Variants in HHAT observed in about 807,000 individuals in gnomAD.
HHAT encodes hedgehog acyltransferase, also known as protein-cysteine N-palmitoyltransferase HHAT.
Under a neutral mutation model 70.8 loss-of-function variants are expected in HHAT, and 47 were observed. That is an observed-to-expected ratio of 0.66 (90% CI 0.53 to 0.85). HHAT has a LOEUF of 0.85. Among genes scored for constraint, HHAT ranks in the 40% least tolerant of loss-of-function variants. The pLI is 0.00. For missense variants in HHAT, 609 were observed against 604.8 expected (o/e 1.01, Z -0.07); for synonymous variants, 228 against 247.6 (o/e 0.92, Z 0.74).
intron 7 of HHAT, among the ~76,000 whole-genome samples, chr1:210,446,614 CTG>C (rs1436033466): frequency 6.6e-6 from 1 of 152,232 alleles, no homozygotes; most frequent in Non-Finnish European, 1.5e-5. Flanking sequence ...GCCCCGGCCT[CTG>C]TGCTCCTGCA....
chr1:210,372,874 C>T (rs1336669809), intron 3 of HHAT, among the ~76,000 whole-genome samples: 2 of 150,578 alleles, frequency 1.3e-5, no homozygotes, highest in African/African-American at 4.9e-5. Context: ...GGGATTCTTA[C>T]ATACATGCTT....
chr1:210,541,439 G>T (rs1206364903), intron 9 of HHAT, among the ~76,000 whole-genome samples: 8 of 152,180 alleles, frequency 5.3e-5, no homozygotes, highest in African/African-American at 1.7e-4. Flanking sequence ...CTCTAGAAAA[G>T]AATACCAGCC....
intron 9 of HHAT, among the ~76,000 whole-genome samples, chr1:210,527,433 A>G (rs2095264089): frequency 6.6e-6 from 1 of 152,148 alleles, no homozygotes; most frequent in African/African-American, 2.4e-5. Context: ...ATTTCACAGG[A>G]GGTTTTCGAG....
intron 10 of HHAT, among the ~76,000 whole-genome samples, chr1:210,614,891 T>G (rs1466230031): frequency 6.6e-6 from 1 of 152,242 alleles, no homozygotes; most frequent in East Asian, 1.9e-4. Context: ...TGTGTCTTTA[T>G]AGCAGCATGA....
intron 3 of HHAT, among the ~76,000 whole-genome samples, chr1:210,382,984 C>T (rs1258548243): frequency 2.0e-5 from 3 of 152,158 alleles, no homozygotes; most frequent in Non-Finnish European, 4.4e-5. Context: ...CTTTCTCTGA[C>T]CTCCAGTTAA....
At chr1:210,377,256 A>T (rs929137024) in intron 3 of HHAT, among the ~76,000 whole-genome samples, 8 of 152,178 alleles carry the variant, frequency 5.3e-5, no homozygotes, top group African/African-American at 1.7e-4. Flanking sequence ...TTCTCTAGTC[A>T]TCTCATTCTA....
chr1:210,425,030 TAAC>T (rs1317318294), intron 7 of HHAT, among the ~76,000 whole-genome samples: 1 of 152,214 alleles, frequency 6.6e-6, no homozygotes, highest in African/African-American at 2.4e-5. Context: ...GACTTTTTAA[TAAC>T]AGCCATTCTG....
At chr1:210,361,530 C>T (rs997618117) in intron 2 of HHAT, among the ~76,000 whole-genome samples, 4 of 151,676 alleles carry the variant, frequency 2.6e-5, no homozygotes, top group Non-Finnish European at 5.9e-5. Flanking sequence ...TGTGGTCTGA[C>T]GCTTGGCTTG....
intron 7 of HHAT, among the ~76,000 whole-genome samples, chr1:210,432,313 C>T (rs990185203): frequency 2.0e-5 from 3 of 151,624 alleles, no homozygotes; most frequent in East Asian, 1.9e-4. Context: ...AGAGGTGAGC[C>T]GGAAAAGGAG....
At chr1:210,374,603 A>G (rs932516498) in intron 3 of HHAT, among the ~76,000 whole-genome samples, 12 of 152,116 alleles carry the variant, frequency 7.9e-5, no homozygotes, top group Admixed American at 4.6e-4. Flanking sequence ...TGGGTTAACC[A>G]TGGAAACTCG....
rs758092132 is a variant in HHAT at position 210,675,867 on chromosome 1, G to A, written c.*1488G>A. The A allele has an allele frequency of 6.6e-6, 1 of 152,272 alleles. No individual in the cohort carries two copies. The highest frequency in any genetic ancestry group is 2.4e-5 in the African/African-American group (1 of 41,434). 9.4% of individuals were successfully genotyped at this position (152,272 alleles called of 1,614,324 possible). A position where few individuals can be genotyped will look rare whatever the true frequency, so the allele number is the denominator to read the frequency against. ...CCTCAGCAGCTGTCTTGGTAAAGGA[G>A]AGAGAGAGACATGGGGCCAGTAATT... On this transcript the variant is annotated 3_prime_UTR_variant, in exon 12 of 12. Coordinates refer to ENST00000261458, the MANE Select transcript of HHAT (RefSeq NM_018194.6).
chr1:210,374,150 T>A (rs1439155539), intron 3 of HHAT: 2 of 152,212 alleles, frequency 1.3e-5, no homozygotes, highest in East Asian at 3.9e-4. Context: ...TTATAAAACA[T>A]GATCTGCCTC....
At chr1:210,475,583 C>T (rs1384354879) in intron 8 of HHAT, among the ~76,000 whole-genome samples, 1 of 152,160 alleles carries the variant, frequency 6.6e-6, no homozygotes, top group Non-Finnish European at 1.5e-5. Context: ...GAACATGGGA[C>T]TGAATAATTT....
At position 210,482,303 on chromosome 1, in the gene HHAT, G is replaced by A. The variant is rs192831739; in HGVS notation, c.1007+17648G>A. 9.7e-4 allele frequency among the ~76,000 whole-genome samples: 147 copies of A among 152,286 alleles called. 1 individual carries two copies. The highest frequency in any genetic ancestry group is 1.9e-3 in the Non-Finnish European group (126 of 68,024). On this transcript the variant is annotated intron_variant, in intron 8 of 11. Coordinates refer to ENST00000261458, the MANE Select transcript of HHAT (RefSeq NM_018194.6). Reference sequence around the variant, plus strand: ...CAGCCACCTTTCTGGAACATCTCAAGGAGAGTTAAACTGTGGGATTACAGT... The same window carrying A: ...CAGCCACCTTTCTGGAACATCTCAAAGAGAGTTAAACTGTGGGATTACAGT...
intron 8 of HHAT, among the ~76,000 whole-genome samples, chr1:210,470,697 G>A (rs565363916): frequency 6.6e-6 from 1 of 152,100 alleles, no homozygotes; most frequent in Non-Finnish European, 1.5e-5. Flanking sequence ...GAGTTTTAGA[G>A]TAAGAAGCAA....
At chr1:210,391,299 G>A (rs571360273) in intron 4 of HHAT, among the ~76,000 whole-genome samples, 2 of 152,262 alleles carry the variant, frequency 1.3e-5, no homozygotes, top group African/African-American at 4.8e-5. Flanking sequence ...GAATTAAGGA[G>A]TTAAAATGAA....
At position 210,485,176 on chromosome 1, in the gene HHAT, C is replaced by G. The variant is rs114248136; in HGVS notation, c.1007+20521C>G. Among the ~76,000 whole-genome samples the G allele has an allele frequency of 7.3e-3, 1,114 of 152,156 alleles. 8 individuals are homozygous for G. Among genetic ancestry groups the G allele is most frequent in the African/African-American group, 0.024 (978 of 41,506 alleles). On this transcript the variant is annotated intron_variant, in intron 8 of 11. Transcript: ENST00000261458. Reference sequence around the variant, plus strand: ...AGAACAGAGCTCAGGCCTCCCCTTCCCCCATGCAGGAGTGGGCTCAAGACC... The same window carrying G: ...AGAACAGAGCTCAGGCCTCCCCTTCGCCCATGCAGGAGTGGGCTCAAGACC...
intron 9 of HHAT, among the ~76,000 whole-genome samples, chr1:210,526,367 G>GTTTTTTT (rs5780585): frequency 7.0e-6 from 1 of 142,336 alleles, no homozygotes; most frequent in Admixed American, 7.1e-5. Flanking sequence ...AGTGGGTTCT[G>GTTTTTTT]TTTTTTTTTT....
At chr1:210,414,737 G>A (rs942332419) in intron 6 of HHAT, among the ~76,000 whole-genome samples, 3 of 152,150 alleles carry the variant, frequency 2.0e-5, no homozygotes, top group South Asian at 2.1e-4. Flanking sequence ...AACCAATTTG[G>A]CTGGGTGTGA....
Sources: allele counts gnomAD v4.1 joint callset (sites outside exome capture counted in the v4.1 genomes callset), GRCh38; gene constraint gnomAD v4.1.1; transcripts MANE v1.5; gene names NCBI Gene and HGNC (gene_info 2026-07-23, HGNC 2026-07-21).